The following CCSER1 variants were observed in gnomAD, a reference collection of about 807,000 sequenced individuals.
CCSER1 encodes the protein coiled-coil serine rich protein 1.
CCSER1 carries 41 observed loss-of-function variants against 82.0 expected under a neutral mutation model. The ratio of observed to expected loss-of-function variants is 0.50; its 90% CI spans 0.39 to 0.65. The LOEUF (loss-of-function observed/expected upper bound fraction) is 0.65, where lower values mean the gene tolerates loss of function less well. Among genes scored for constraint, CCSER1 ranks in the 30% least tolerant of loss-of-function variants. The probability of loss-of-function intolerance (pLI) is 0.00; values close to 1 mark genes in which losing one functional copy is unlikely to be tolerated. For synonymous variants in CCSER1, 414 were observed against 383.9 expected (o/e 1.08, Z -0.92); for missense variants, 1,119 against 1,064.2 (o/e 1.05, Z -0.72).
intron 9 of CCSER1, among the ~76,000 whole-genome samples, chr4:91,071,179 T>G (rs1721392648): frequency 6.6e-6 from 1 of 152,232 alleles, no homozygotes; most frequent in African/African-American, 2.4e-5. Context: ...CACCAAGCAC[T>G]GTTTGAGCAA....
chr4:90,987,301 T>C (rs1197279536), intron 9 of CCSER1, among the ~76,000 whole-genome samples: 2 of 151,350 alleles, frequency 1.3e-5, no homozygotes, highest in African/African-American at 4.8e-5. Context: ...AGCCCTTCCA[T>C]GGCATTTTGA....
chr4:90,583,958 G>C (rs1781703762), intron 5 of CCSER1, among the ~76,000 whole-genome samples: 1 of 151,144 alleles, frequency 6.6e-6, no homozygotes, highest in African/African-American at 2.4e-5. Flanking sequence ...AATATAAAAG[G>C]TACAATTTAA....
At chr4:90,941,060 A>C (rs1310262404) in intron 9 of CCSER1, among the ~76,000 whole-genome samples, 2 of 152,134 alleles carry the variant, frequency 1.3e-5, no homozygotes, top group African/African-American at 4.8e-5. Context: ...GGATAATTGC[A>C]ATGGTAAACA....
chr4:91,294,361 C>T (rs1743996462), intron 10 of CCSER1, among the ~76,000 whole-genome samples: 1 of 151,808 alleles, frequency 6.6e-6, no homozygotes, highest in African/African-American at 2.4e-5. Context: ...AGACTTAATA[C>T]GTTATTTAAT....
At chr4:90,849,897 A>G (rs774214956) in intron 8 of CCSER1, among the ~76,000 whole-genome samples, 2 of 152,164 alleles carry the variant, frequency 1.3e-5, no homozygotes, top group African/African-American at 2.4e-5. Context: ...ACAGTGGGGA[A>G]AATGTCCCCA....
intron 8 of CCSER1, among the ~76,000 whole-genome samples, chr4:90,919,111 A>G: frequency 7.5e-6 from 1 of 133,582 alleles, no homozygotes; most frequent in African/African-American, 2.9e-5. Flanking sequence ...AAAAAAAAAA[A>G]AAGGACTTAG....
At position 91,081,589 on chromosome 4, in the gene CCSER1, A is replaced by T. The variant is rs556884787; in HGVS notation, c.2173-4361A>T. ...GCAATCAGGCAAGAGAAAGAAATAA[A>T]GGGTATTCAATTAGGAAAAGAGGAA... On this transcript the variant is annotated intron_variant, in intron 9 of 10. Transcript: ENST00000509176. Among the ~76,000 whole-genome samples the T allele has an allele frequency of 2.7e-3, 407 of 152,298 alleles. 1 individual carries two copies. The highest frequency in any genetic ancestry group is 4.7e-3 in the Non-Finnish European group (317 of 68,032).
chr4:91,418,596 AC>A (rs1753516078), intron 10 of CCSER1, among the ~76,000 whole-genome samples: 1 of 152,000 alleles, frequency 6.6e-6, no homozygotes, highest in Admixed American at 6.6e-5. Context: ...GAAACACCCA[AC>A]AATGAAAACC....
At chr4:90,805,607 C>G (rs1486738715) in intron 7 of CCSER1, among the ~76,000 whole-genome samples, 1 of 152,150 alleles carries the variant, frequency 6.6e-6, no homozygotes, top group African/African-American at 2.4e-5. Flanking sequence ...AATAGGAATA[C>G]TAGCAAAGGG....
At chr4:91,476,461 C>T (rs1235466911) in intron 10 of CCSER1, among the ~76,000 whole-genome samples, 1 of 151,488 alleles carries the variant, frequency 6.6e-6, no homozygotes, top group Non-Finnish European at 1.5e-5. Context: ...TTAAGATGTC[C>T]ATACCGCCCA....
chr4:90,174,031 T>C (rs1012973106), intron 1 of CCSER1, among the ~76,000 whole-genome samples: 3 of 152,018 alleles, frequency 2.0e-5, no homozygotes, highest in Admixed American at 6.6e-5. Context: ...ACCTACATGA[T>C]TAAACTATGT....
intron 10 of CCSER1, among the ~76,000 whole-genome samples, chr4:91,409,550 A>C (rs1225243581): frequency 2.0e-5 from 3 of 152,180 alleles, no homozygotes. Flanking sequence ...AAAAACCTTT[A>C]GTTCAGTTAT....
intron 10 of CCSER1, among the ~76,000 whole-genome samples, chr4:91,379,347 T>G (rs977501626): frequency 6.6e-6 from 1 of 152,196 alleles, no homozygotes; most frequent in Non-Finnish European, 1.5e-5. Flanking sequence ...TCCTTGTACC[T>G]CTGGTAGAAT....
chr4:91,443,411 A>G (rs1179208654), intron 10 of CCSER1, among the ~76,000 whole-genome samples: 1 of 150,582 alleles, frequency 6.6e-6, no homozygotes, highest in East Asian at 2.0e-4. Context: ...AAGGACAAAA[A>G]ACCAAACACT....
chr4:91,334,759 G>A (rs551157889), intron 10 of CCSER1, among the ~76,000 whole-genome samples: 1 of 152,188 alleles, frequency 6.6e-6, no homozygotes, highest in Admixed American at 6.6e-5. Flanking sequence ...TGGACGTCTA[G>A]TTGAGTGGGA....
chr4:90,930,340 G>A (rs996396546), intron 9 of CCSER1, among the ~76,000 whole-genome samples: 1 of 152,012 alleles, frequency 6.6e-6, no homozygotes, highest in East Asian at 1.9e-4. Context: ...GGTGGCTCAC[G>A]CCTGTAATCC....
chr4:90,933,016 G>GA lies in CCSER1; in HGVS notation c.2172+9572dup, dbSNP rs754665929. Among the ~76,000 whole-genome samples the GA allele has an allele frequency of 2.5e-5, 2 of 79,870 alleles. 1 individual carries two copies. Among genetic ancestry groups the GA allele is most frequent in the Non-Finnish European group, 4.4e-5 (2 of 45,088 alleles). 52.4% of individuals were successfully genotyped at this position (79,870 alleles called of 152,430 possible). The stretch of plus-strand genomic sequence containing the variant: ...AGAAAGAAAGAAAGAAAGAAAGAAA[G>GA]AAAGAAAGAAAGAAAGAAAGAAAGA... On this transcript the variant is annotated intron_variant, in intron 9 of 10. Coordinates refer to ENST00000509176, the MANE Select transcript of CCSER1 (RefSeq NM_001145065.2).
chr4:90,691,023 G>A (rs1735721648), intron 6 of CCSER1, among the ~76,000 whole-genome samples: 1 of 151,970 alleles, frequency 6.6e-6, no homozygotes, highest in South Asian at 2.1e-4. Context: ...GAAAAGATAG[G>A]TAATAGTTCA....
chr4:91,408,955 T>A (rs1386762965), intron 10 of CCSER1, among the ~76,000 whole-genome samples: 1 of 152,220 alleles, frequency 6.6e-6, no homozygotes, highest in African/African-American at 2.4e-5. Flanking sequence ...GACCTGGGTG[T>A]TCATGATCAC....
Sources: allele counts gnomAD v4.1 joint callset (sites outside exome capture counted in the v4.1 genomes callset), GRCh38; gene constraint gnomAD v4.1.1; transcripts MANE v1.5; gene names NCBI Gene and HGNC (gene_info 2026-07-23, HGNC 2026-07-21).